The following GSG1L variants were observed in gnomAD, a reference collection of about 807,000 sequenced individuals.
GSG1L encodes the protein germ cell-specific gene 1-like protein.
Under a neutral mutation model 42.1 loss-of-function variants are expected in GSG1L, and 24 were observed. The ratio of observed to expected loss-of-function variants is 0.57; its 90% CI spans 0.41 to 0.80. GSG1L has a LOEUF of 0.80. GSG1L is among the 30% of genes least tolerant of loss of function. The pLI is 0.00. For missense variants in GSG1L, 445 were observed against 472.2 expected (o/e 0.94, Z 0.53); for synonymous variants, 215 against 203.5 (o/e 1.06, Z -0.48).
At chr16:27,829,196 A>G (rs922649449) in intron 4 of GSG1L, among the ~76,000 whole-genome samples, 4 of 152,200 alleles carry the variant, frequency 2.6e-5, no homozygotes, top group African/African-American at 9.6e-5. Context: ...AGGCAAGAAG[A>G]GAGTGAATCA....
At position 27,888,401 on chromosome 16, in the gene GSG1L, C is replaced by CTTCTTTCTTTCTTTCT. The variant is rs768689001; in HGVS notation, c.398-3779_398-3764dup. Among the ~76,000 whole-genome samples the CTTCTTTCTTTCTTTCT allele has an allele frequency of 1.9e-4, 23 of 122,562 alleles. 2 individuals carry two copies. Among genetic ancestry groups the CTTCTTTCTTTCTTTCT allele is most frequent in the African/African-American group, 6.2e-4 (17 of 27,444 alleles). The allele number at this position is 122,562 out of a possible 152,430, so 80.4% of individuals were successfully genotyped here. On this transcript the variant is annotated intron_variant, in intron 2 of 6. Transcript: ENST00000447459. Reference sequence around the variant, plus strand: ...GGTTCTTTCTTTCTTTTCTTTTCTCCTTCTTTCTTTCTTTCTTTCTTTCTT... The same window carrying CTTCTTTCTTTCTTTCT: ...GGTTCTTTCTTTCTTTTCTTTTCTCCTTCTTTCTTTCTTTCTTTCTTTCTTTCTTTCTTTCTTTCTT...
intron 2 of GSG1L, among the ~76,000 whole-genome samples, chr16:27,895,313 C>G (rs898629207): frequency 5.3e-5 from 8 of 152,236 alleles, no homozygotes; most frequent in Middle Eastern, 3.4e-3. Flanking sequence ...TGGGGCTGCC[C>G]TCCTCAGACA....
intron 2 of GSG1L, among the ~76,000 whole-genome samples, chr16:27,944,621 CAAAA>C (rs34204819): frequency 5.4e-5 from 6 of 111,604 alleles, no homozygotes; most frequent in African/African-American, 6.2e-5. Context: ...GACTCTGCCT[CAAAA>C]AAAAAAAAAA....
At chr16:27,965,801 C>T (rs2085125512) in intron 1 of GSG1L, among the ~76,000 whole-genome samples, 1 of 152,198 alleles carries the variant, frequency 6.6e-6, no homozygotes, top group African/African-American at 2.4e-5. Flanking sequence ...CTCTTTCTGC[C>T]CCATCCTCAC....
At chr16:27,999,003 C>T (rs1220370832) in intron 1 of GSG1L, among the ~76,000 whole-genome samples, 4 of 152,014 alleles carry the variant, frequency 2.6e-5, no homozygotes, top group Non-Finnish European at 4.4e-5. Flanking sequence ...CTATATGACA[C>T]GTGTCACTTG....
intron 2 of GSG1L, among the ~76,000 whole-genome samples, chr16:27,896,773 G>A (rs909619826): frequency 8.5e-5 from 13 of 152,154 alleles, no homozygotes; most frequent in Non-Finnish European, 1.5e-4. Context: ...GAATGCAGGC[G>A]GCCTCTAGAA....
At chr16:28,041,101 G>A (rs963954492) in intron 1 of GSG1L, among the ~76,000 whole-genome samples, 2 of 152,058 alleles carry the variant, frequency 1.3e-5, no homozygotes, top group Non-Finnish European at 2.9e-5. Context: ...AGAATTCCTC[G>A]CAGGACAAAG....
chr16:28,063,469 G>A lies in GSG1L; in HGVS notation c.-45C>T, dbSNP rs941541971. On this transcript the variant is annotated 5_prime_UTR_variant, in exon 1 of 7. Transcript: ENST00000447459. The surrounding 1 kb of genome is among the most constrained non-coding windows in gnomAD (Gnocchi z 5.8). ...CGGGACTGCACCGCCGGGGAGCTCC[G>A]CGCGCGAAGTTGGCAGCTGGCGCCC... The A allele has an allele frequency of 3.5e-6, 4 of 1,130,004 alleles. No individual in the cohort carries two copies. The highest frequency in any genetic ancestry group is 3.3e-6 in the Non-Finnish European group (3 of 919,940). 70.0% of individuals were successfully genotyped at this position (1,130,004 alleles called of 1,614,324 possible).
intron 1 of GSG1L, among the ~76,000 whole-genome samples, chr16:28,024,740 C>G (rs965484072): frequency 7.9e-5 from 12 of 152,264 alleles, no homozygotes; most frequent in African/African-American, 2.9e-4. Flanking sequence ...CAGAACACAC[C>G]TCATAGTGCT....
At chr16:27,977,559 CAAAAAAAAAAAAAAA>C (rs34588077) in intron 1 of GSG1L, among the ~76,000 whole-genome samples, 1 of 44,946 alleles carries the variant, frequency 2.2e-5, no homozygotes, top group African/African-American at 9.4e-5. Flanking sequence ...CACCCTGCCT[CAAAAAAAAAAAAAAA>C]AAAAAAAAAA....
chr16:27,898,800 C>T (rs1013305735), intron 2 of GSG1L, among the ~76,000 whole-genome samples: 6 of 152,000 alleles, frequency 3.9e-5, no homozygotes, highest in African/African-American at 1.5e-4. Context: ...AGATGTCATG[C>T]CAATATTTAA....
intron 2 of GSG1L, among the ~76,000 whole-genome samples, chr16:27,959,471 AAGAAG>A (rs1343402088): frequency 7.0e-6 from 1 of 142,298 alleles, no homozygotes; most frequent in Non-Finnish European, 1.5e-5. Flanking sequence ...GTGTCAAGAA[AAGAAG>A]AGAAGAGAGG....
At chr16:27,980,186 G>C (rs1409942602) in intron 1 of GSG1L, among the ~76,000 whole-genome samples, 1 of 152,216 alleles carries the variant, frequency 6.6e-6, no homozygotes, top group South Asian at 2.1e-4. Context: ...GCAGAGCATT[G>C]AGGGTCTGCC....
intron 4 of GSG1L, among the ~76,000 whole-genome samples, chr16:27,831,222 G>T (rs1437911190): frequency 6.6e-6 from 1 of 152,202 alleles, no homozygotes; most frequent in African/African-American, 2.4e-5. Flanking sequence ...CCCAGCCTGA[G>T]AATGAAATTG....
At chr16:28,057,207 G>A (rs1485628096) in intron 1 of GSG1L, among the ~76,000 whole-genome samples, 7 of 152,076 alleles carry the variant, frequency 4.6e-5, no homozygotes, top group Non-Finnish European at 8.8e-5. Flanking sequence ...GGGGTGATCC[G>A]CCTCAGATGG....
chr16:28,007,081 A>T (rs545737177), intron 1 of GSG1L, among the ~76,000 whole-genome samples: 1 of 152,300 alleles, frequency 6.6e-6, no homozygotes, highest in Non-Finnish European at 1.5e-5. Flanking sequence ...GAGACTGAGT[A>T]ATGCCCCCAC....
intron 4 of GSG1L, among the ~76,000 whole-genome samples, chr16:27,837,631 G>A (rs2083335100): frequency 6.6e-6 from 1 of 152,212 alleles, no homozygotes; most frequent in Non-Finnish European, 1.5e-5. Context: ...CAGGGAGAAA[G>A]GGGCACCTTG....
intron 1 of GSG1L, among the ~76,000 whole-genome samples, chr16:28,057,183 C>T (rs1305094011): frequency 2.0e-5 from 3 of 151,994 alleles, no homozygotes; most frequent in African/African-American, 7.3e-5. Context: ...AGGAAGGGTC[C>T]GGAGTGGGGA....
intron 1 of GSG1L, among the ~76,000 whole-genome samples, chr16:28,033,405 G>A (rs2085989890): frequency 6.6e-6 from 1 of 152,186 alleles, no homozygotes; most frequent in African/African-American, 2.4e-5. Context: ...GGTTGCCCCT[G>A]GGAGGGAAGT....
Sources: gnomAD v4.1 joint callset for allele counts (sites outside exome capture counted in the v4.1 genomes callset) on GRCh38, gnomAD v4.1.1 for gene constraint, Gnocchi (gnomAD v3.1) non-coding constraint, MANE v1.5 for transcripts, NCBI Gene and HGNC (gene_info 2026-07-23, HGNC 2026-07-21) for gene names.